SAMSN1: variants seen among roughly 807,000 people sequenced by gnomAD.
The protein encoded by SAMSN1 is SAM domain, SH3 domain and nuclear localization signals 1.
Under a neutral mutation model 42.0 loss-of-function variants are expected in SAMSN1, and 31 were observed. The observed-to-expected ratio is 0.74, with a 90% CI of 0.55 to 1.00. SAMSN1 has a LOEUF of 1.00. Ranked by LOEUF, SAMSN1 falls within the 50% of genes least tolerant of loss-of-function variation. SAMSN1 has a pLI of 0.00. For synonymous variants in SAMSN1, 178 were observed against 151.9 expected, an observed-to-expected ratio of 1.17 and a Z score of -1.26; for missense variants, 464 against 439.4, an observed-to-expected ratio of 1.06 and a Z score of -0.50.
chr21:14,636,265 T>C (rs1424668386), intron 2 of SAMSN1, among the ~76,000 whole-genome samples: 1 of 152,170 alleles, frequency 6.6e-6, no homozygotes, highest in Non-Finnish European at 1.5e-5. Flanking sequence ...ATTATAAGGT[T>C]GGGTTATTTT....
chr21:14,644,911 G>A (rs749035293), intron 1 of SAMSN1, among the ~76,000 whole-genome samples: 1 of 152,142 alleles, frequency 6.6e-6, no homozygotes, highest in Non-Finnish European at 1.5e-5. Context: ...GGGTGGTATG[G>A]CTACAGAGTG....
intron 1 of SAMSN1, among the ~76,000 whole-genome samples, chr21:14,657,971 C>T (rs2822819): frequency 0.77 from 117,550 of 151,684 alleles, 46,156 homozygotes; most frequent in Middle Eastern, 0.89. Flanking sequence ...GGCCATCTTA[C>T]TTTCCCAAAT....
chr21:14,582,570 A>T, intron 1 of SAMSN1: 1 of 578,436 alleles, frequency 1.7e-6, no homozygotes, highest in Non-Finnish European at 3.1e-6. Context: ...TATAAGAGAA[A>T]TAAATACACT....
chr21:14,567,215 A>T (rs1981150731), intron 2 of SAMSN1, among the ~76,000 whole-genome samples: 1 of 152,050 alleles, frequency 6.6e-6, no homozygotes, highest in South Asian at 2.1e-4. Context: ...ACAGTAAAGA[A>T]CATAAAAGAG....
chr21:14,522,139 T>C (rs763092657), intron 1 of SAMSN1, among the ~76,000 whole-genome samples: 10 of 152,242 alleles, frequency 6.6e-5, no homozygotes, highest in Non-Finnish European at 1.5e-4. Flanking sequence ...AAGCTCAGTA[T>C]GTTAATAGAA....
At chr21:14,585,927 G>A (rs393297), upstream of SAMSN1, among the ~76,000 whole-genome samples, 122,362 of 151,982 alleles carry the variant, frequency 0.81, 49,582 homozygotes, top group Admixed American at 0.85. Context: ...ATTATAAAAG[G>A]TATAGAATCA....
intron 2 of SAMSN1, among the ~76,000 whole-genome samples, chr21:14,620,903 G>A (rs1982984652): frequency 6.6e-6 from 1 of 152,148 alleles, no homozygotes; most frequent in African/African-American, 2.4e-5. Context: ...ATTAAAATAA[G>A]CTAATTCAAT....
chr21:14,639,215 T>C (rs924392975), intron 2 of SAMSN1, among the ~76,000 whole-genome samples: 2 of 152,234 alleles, frequency 1.3e-5, no homozygotes, highest in Non-Finnish European at 2.9e-5. Flanking sequence ...TTTTATGTTC[T>C]CTGTCTTAAT....
At chr21:14,650,402 C>T (rs1983811891) in intron 1 of SAMSN1, among the ~76,000 whole-genome samples, 2 of 151,898 alleles carry the variant, frequency 1.3e-5, no homozygotes, top group South Asian at 4.2e-4. Context: ...AACTATACAA[C>T]ATGGAAATTA....
chr21:14,530,121 C>G (rs1340826024), intron 1 of SAMSN1, among the ~76,000 whole-genome samples: 1 of 152,098 alleles, frequency 6.6e-6, no homozygotes, highest in East Asian at 1.9e-4. Context: ...TCCAGACCAC[C>G]CTGGCTAATA....
intron 2 of SAMSN1, among the ~76,000 whole-genome samples, chr21:14,633,980 T>C (rs555479090): frequency 1.9e-4 from 29 of 152,306 alleles, no homozygotes; most frequent in African/African-American, 7.0e-4. Flanking sequence ...ATTTTTCCAG[T>C]GCTTTTTATC....
chr21:14,540,719 A>G lies in SAMSN1; in HGVS notation c.57+5486T>C, dbSNP rs1490293547. On this transcript the variant is annotated intron_variant, in intron 1 of 7. Coordinates refer to ENST00000400566, the MANE Select transcript of SAMSN1 (RefSeq NM_022136.5). Reference sequence around the variant, plus strand: ...ACTAGTTCAACCATTGTGGAAGACTATGTGGCGATTCCTCAAGGATCTAGA... The same window carrying G: ...ACTAGTTCAACCATTGTGGAAGACTGTGTGGCGATTCCTCAAGGATCTAGA... Among the ~76,000 whole-genome samples, 3 of 152,326 alleles carry G rather than the reference A, an allele frequency of 2.0e-5. 1 individual carries two copies. The highest frequency in any genetic ancestry group is 4.1e-4 in the South Asian group (2 of 4,830).
At chr21:14,567,091 C>T (rs1013054052) in intron 2 of SAMSN1, among the ~76,000 whole-genome samples, 8 of 152,024 alleles carry the variant, frequency 5.3e-5, no homozygotes, top group Admixed American at 2.6e-4. Flanking sequence ...CAGGTGCCTT[C>T]GGTCATACAG....
At chr21:14,493,023 T>G (rs1309154374) in intron 7 of SAMSN1, among the ~76,000 whole-genome samples, 1 of 152,222 alleles carries the variant, frequency 6.6e-6, no homozygotes, top group African/African-American at 2.4e-5. Context: ...ACTGCTGGAC[T>G]GCTGCTTGGC....
intron 7 of SAMSN1, among the ~76,000 whole-genome samples, chr21:14,589,095 A>G (rs1403720138): frequency 6.6e-6 from 1 of 152,120 alleles, no homozygotes; most frequent in Non-Finnish European, 1.5e-5. Flanking sequence ...GGTTAAATAT[A>G]TCTCATTTTC....
At chr21:14,578,680 C>CAAAAAAAAA (rs769354531) in intron 2 of SAMSN1, among the ~76,000 whole-genome samples, 2 of 63,724 alleles carry the variant, frequency 3.1e-5, no homozygotes, top group African/African-American at 1.2e-4. Context: ...GAGAATCCAT[C>CAAAAAAAAA]AAAAAAAAAA....
chr21:14,645,606 C>T (rs919356759), intron 1 of SAMSN1, among the ~76,000 whole-genome samples: 11 of 152,270 alleles, frequency 7.2e-5, no homozygotes, highest in South Asian at 4.1e-4. Context: ...GCCCACACAC[C>T]GAAGAACATC....
At chr21:14,647,467 G>A (rs543742011) in intron 1 of SAMSN1, among the ~76,000 whole-genome samples, 21 of 148,774 alleles carry the variant, frequency 1.4e-4, no homozygotes, top group Admixed American at 4.8e-4. Context: ...TTGGCAATGT[G>A]GGCTCTTTTT....
chr21:14,649,681 A>G (rs1432536176), intron 1 of SAMSN1, among the ~76,000 whole-genome samples: 3 of 151,790 alleles, frequency 2.0e-5, no homozygotes, highest in African/African-American at 4.8e-5. Context: ...GAGGTAGGAG[A>G]ATCTCTTGAA....
Sources: gnomAD v4.1 joint callset for allele counts (sites outside exome capture counted in the v4.1 genomes callset) on GRCh38, gnomAD v4.1.1 for gene constraint, MANE v1.5 for transcripts, NCBI Gene and HGNC (gene_info 2026-07-23, HGNC 2026-07-21) for gene names.